USP13: variants seen among roughly 807,000 people sequenced by gnomAD.
USP13 encodes the protein ubiquitin specific peptidase 13, also known as ubiquitin carboxyl-terminal hydrolase 13.
Under a neutral mutation model 107.8 loss-of-function variants are expected in USP13, and 68 were observed. That is an observed-to-expected ratio of 0.63 (90% CI 0.52 to 0.77). The LOEUF is 0.77. Among genes scored for constraint, USP13 ranks in the 30% least tolerant of loss-of-function variants. The probability of loss-of-function intolerance (pLI) is 0.00; values close to 1 mark genes in which losing one functional copy is unlikely to be tolerated. For synonymous variants in USP13, 377 were observed against 389.5 expected, an observed-to-expected ratio of 0.97 and a Z score of 0.38; for missense variants, 945 against 1,093.3, an observed-to-expected ratio of 0.86 and a Z score of 1.91.
rs1298205608 is a variant in USP13 at position 179,708,790 on chromosome 3, G to C, written c.638G>C (p.Arg213Thr). The change falls in exon 6 of 21, where the codon AGA (arginine) becomes ACA (threonine). Residue 213 changes from arginine to threonine, a missense_variant. Coordinates refer to ENST00000263966, the MANE Select transcript of USP13 (RefSeq NM_003940.3). Reference protein sequence around the residue: ...RIPPSGWKCARCDLRENLWLN... With the variant: ...RIPPSGWKCATCDLRENLWLN... ...CTTTCCAGTGGTTGGAAGTGTGCCAGATGCGACCTGCGAGAAAACCTCTGG... is the reference window on the plus strand; with the variant it reads ...CTTTCCAGTGGTTGGAAGTGTGCCACATGCGACCTGCGAGAAAACCTCTGG... 1.2e-6 allele frequency: 2 copies of C among 1,614,102 alleles called. No homozygotes were observed. The highest frequency in any genetic ancestry group is 1.3e-5 in the African/African-American group (1 of 74,920).
chr3:179,654,713 G>C (rs887209961), intron 1 of USP13, among the ~76,000 whole-genome samples: 3 of 152,154 alleles, frequency 2.0e-5, no homozygotes, highest in Non-Finnish European at 4.4e-5. Flanking sequence ...ATAGCATGTG[G>C]ACTATTGTCA....
At position 179,763,091 on chromosome 3, in the gene USP13, G is replaced by C. The variant is rs181888010; in HGVS notation, c.2093-911G>C. On this transcript the variant is annotated intron_variant, in intron 17 of 20. Transcript: ENST00000263966. ...AATGAAGTTATCCTTTTATTATTGA[G>C]TTCTAAGAGTTCTTTACAAATTCCA... 1.1e-3 allele frequency among the ~76,000 whole-genome samples: 168 copies of C among 152,182 alleles called. 2 individuals are homozygous for C. The highest frequency in any genetic ancestry group is 3.8e-3 in the African/African-American group (157 of 41,524).
chr3:179,750,302 GTGTA>G (rs1235967162), intron 13 of USP13, among the ~76,000 whole-genome samples: 76 of 111,052 alleles, frequency 6.8e-4, no homozygotes, highest in African/African-American at 2.2e-3. Context: ...ATATATGTGT[GTGTA>G]TATATATATA....
intron 6 of USP13, among the ~76,000 whole-genome samples, chr3:179,718,317 G>C (rs1407584471): frequency 6.7e-6 from 1 of 150,238 alleles, no homozygotes; most frequent in East Asian, 1.9e-4. Context: ...TTGGAGACAG[G>C]GTCCTGCTCT....
intron 19 of USP13, among the ~76,000 whole-genome samples, chr3:179,766,799 C>T (rs1000855482): frequency 1.5e-4 from 23 of 152,212 alleles, no homozygotes; most frequent in African/African-American, 5.5e-4. Flanking sequence ...AACCCAGAAT[C>T]CTTGTTCTTA....
At chr3:179,779,466 G>T (rs945586111) in intron 19 of USP13, among the ~76,000 whole-genome samples, 58 of 151,968 alleles carry the variant, frequency 3.8e-4, no homozygotes, top group African/African-American at 1.3e-3. Context: ...GGGGGTGGAG[G>T]TTGCAGTGAG....
chr3:179,767,719 G>T (rs1243115870), intron 19 of USP13, among the ~76,000 whole-genome samples: 1 of 152,128 alleles, frequency 6.6e-6, no homozygotes, highest in African/African-American at 2.4e-5. Flanking sequence ...AAAACTCATG[G>T]TGTCTAGCAT....
chr3:179,711,053 C>T (rs910252595), intron 6 of USP13, among the ~76,000 whole-genome samples: 3 of 152,182 alleles, frequency 2.0e-5, no homozygotes, highest in Non-Finnish European at 4.4e-5. Context: ...AAACACCATA[C>T]ACTTGGCTAC....
At chr3:179,659,636 A>G (rs893107056) in intron 1 of USP13, among the ~76,000 whole-genome samples, 24 of 152,314 alleles carry the variant, frequency 1.6e-4, no homozygotes, top group African/African-American at 5.8e-4. Context: ...TATGTTATAT[A>G]CTATTACCAT....
chr3:179,705,536 A>G lies in USP13; in HGVS notation c.478-1398A>G, dbSNP rs1008273631. Among the ~76,000 whole-genome samples, 4 of 152,212 alleles carry G rather than the reference A, an allele frequency of 2.6e-5. No individual in the cohort carries two copies. The East Asian group carries it at 7.7e-4, about 29-fold the overall frequency. On this transcript the variant is annotated intron_variant, in intron 4 of 20. Transcript: ENST00000263966. Reference sequence around the variant, plus strand: ...AAATGGAATCATGTAATATGTTGCTATTTGTGACTGACTTTTTCACTTAGA... The same window carrying G: ...AAATGGAATCATGTAATATGTTGCTGTTTGTGACTGACTTTTTCACTTAGA...
intron 17 of USP13, among the ~76,000 whole-genome samples, chr3:179,763,558 G>A (rs1715074233): frequency 6.6e-6 from 1 of 152,088 alleles, no homozygotes; most frequent in African/African-American, 2.4e-5. Flanking sequence ...CTATTTAATC[G>A]ATCCATATGT....
At chr3:179,768,094 A>G (rs1380999960) in intron 19 of USP13, among the ~76,000 whole-genome samples, 2 of 152,236 alleles carry the variant, frequency 1.3e-5, no homozygotes, top group East Asian at 1.9e-4. Flanking sequence ...TCAATAATGT[A>G]TGAGCAGGAT....
At chr3:179,668,123 C>G (rs1431142427) in intron 1 of USP13, among the ~76,000 whole-genome samples, 9 of 152,278 alleles carry the variant, frequency 5.9e-5, no homozygotes, top group Non-Finnish European at 5.9e-5. Flanking sequence ...AAAGTCAGAG[C>G]AAGCTGGAGG....
At chr3:179,682,805 G>A (rs1275741689) in intron 2 of USP13, among the ~76,000 whole-genome samples, 2 of 152,168 alleles carry the variant, frequency 1.3e-5, no homozygotes, top group East Asian at 1.9e-4. Context: ...GGGGGTACAT[G>A]TGCCAGAGTT....
At chr3:179,751,199 T>C (rs1431177510) in intron 13 of USP13, among the ~76,000 whole-genome samples, 4 of 152,178 alleles carry the variant, frequency 2.6e-5, no homozygotes. Flanking sequence ...AGGGTATGAA[T>C]TTGGTGTACA....
At chr3:179,730,792 T>C in intron 10 of USP13, 83 bp downstream of exon 10, 1 of 1,299,208 alleles carries the variant, frequency 7.7e-7, no homozygotes, top group South Asian at 1.3e-5. Context: ...TGGCACATGG[T>C]GGCCATAAAT....
intron 3 of USP13, among the ~76,000 whole-genome samples, chr3:179,695,463 A>T (rs1712290234): frequency 6.6e-6 from 1 of 152,124 alleles, no homozygotes; most frequent in Admixed American, 6.5e-5. Context: ...TCAGTGGTCA[A>T]ATCACTTTCC....
chr3:179,749,328 A>G (rs1287018421), intron 13 of USP13, among the ~76,000 whole-genome samples: 1 of 152,248 alleles, frequency 6.6e-6, no homozygotes, highest in Non-Finnish European at 1.5e-5. Flanking sequence ...TTTAATTCCC[A>G]TAACAGCTCT....
chr3:179,773,319 C>A (rs1429891941), intron 19 of USP13, among the ~76,000 whole-genome samples: 3 of 152,108 alleles, frequency 2.0e-5, no homozygotes, highest in Non-Finnish European at 4.4e-5. Flanking sequence ...GGATGAGAAC[C>A]CAGTTTTTCT....
Sources: allele counts gnomAD v4.1 joint callset (sites outside exome capture counted in the v4.1 genomes callset), GRCh38; gene constraint gnomAD v4.1.1; transcripts MANE v1.5; gene names NCBI Gene and HGNC (gene_info 2026-07-23, HGNC 2026-07-21).